Variants in LRCH2 observed in about 807,000 individuals in gnomAD.
The protein encoded by LRCH2 is leucine rich repeats and calponin homology domain containing 2.
Under a neutral mutation model 68.9 loss-of-function variants are expected in LRCH2, and 38 were observed. The observed-to-expected ratio is 0.55, with a 90% CI of 0.43 to 0.72. The LOEUF (loss-of-function observed/expected upper bound fraction) is 0.72, where lower values mean the gene tolerates loss of function less well. LRCH2 is among the 30% of genes least tolerant of loss of function. The pLI is 0.00. For synonymous variants in LRCH2, 191 were observed against 208.1 expected, an observed-to-expected ratio of 0.92 and a Z score of 0.71; for missense variants, 528 against 572.9, an observed-to-expected ratio of 0.92 and a Z score of 0.80.
Position 115,163,726 on chromosome X carries a change from A to T in LRCH2, c.1413T>A (p.Thr471=). 8.3e-7 allele frequency: 1 copy of T among 1,201,227 alleles called. No homozygotes were observed. The highest frequency in any genetic ancestry group is 3.0e-5 in the East Asian group (1 of 33,614). The change falls in exon 11 of 21, where the codon ACT becomes ACA. Residue 471 remains threonine (T), a synonymous_variant. Transcript: ENST00000317135. ...EEEDDDLKEV[T]DLRKIAAQLL... Reference sequence around the variant, plus strand: ...ACTGAGCAGCTATTTTCCTCAAATCAGTTACTTCCTTCAAATCATCATCCT... The same window carrying T: ...ACTGAGCAGCTATTTTCCTCAAATCTGTTACTTCCTTCAAATCATCATCCT...
intron 10 of LRCH2, 127 bp downstream of exon 10, chrX:115,165,278 T>G: frequency 2.2e-6 from 1 of 452,742 alleles, no homozygotes; most frequent in Non-Finnish European, 3.7e-6. Flanking sequence ...ATTTATAAAT[T>G]AACTATCTAA....
At chrX:115,138,120 C>A (rs920679713) in intron 14 of LRCH2, among the ~76,000 whole-genome samples, 2 of 106,148 alleles carry the variant, frequency 1.9e-5, no homozygotes, top group Non-Finnish European at 1.9e-5. Flanking sequence ...TCTTCGCCCC[C>A]CTTCCTCTCC....
chrX:115,205,055 C>T (rs1178435028), intron 1 of LRCH2, among the ~76,000 whole-genome samples: 2 of 111,306 alleles, frequency 1.8e-5, no homozygotes, highest in African/African-American at 6.5e-5. Flanking sequence ...GCTGGGGAGG[C>T]CTTAGGAAAC....
intron 12 of LRCH2, among the ~76,000 whole-genome samples, chrX:115,153,099 G>A (rs1043709308): frequency 4.9e-5 from 5 of 101,635 alleles, no homozygotes; most frequent in Admixed American, 1.1e-4. Context: ...CCTTGAGACC[G>A]AGAGTTCAAA....
At chrX:115,221,048 G>T (rs2147363057) in intron 1 of LRCH2, among the ~76,000 whole-genome samples, 1 of 105,764 alleles carries the variant, frequency 9.5e-6, no homozygotes, top group East Asian at 3.0e-4. Context: ...GTGGTGGCGG[G>T]CACCTGTAGT....
intron 1 of LRCH2, among the ~76,000 whole-genome samples, chrX:115,209,453 A>G (rs2072991567): frequency 8.9e-6 from 1 of 112,231 alleles, no homozygotes; most frequent in East Asian, 2.8e-4. Flanking sequence ...GTCTGCCACT[A>G]TGTGAGATGT....
At chrX:115,231,609 C>T (rs1269308721) in intron 1 of LRCH2, among the ~76,000 whole-genome samples, 2 of 111,993 alleles carry the variant, frequency 1.8e-5, no homozygotes, top group Non-Finnish European at 3.8e-5. Context: ...TAAAATGAAA[C>T]TTATGATGAA....
intron 5 of LRCH2, among the ~76,000 whole-genome samples, chrX:115,171,900 C>T (rs782541013): frequency 9.1e-6 from 1 of 109,600 alleles, no homozygotes; most frequent in Non-Finnish European, 1.9e-5. Context: ...AGGCTGTTCT[C>T]GAACTCCTGG....
chrX:115,174,599 C>CACA (rs782302855), intron 5 of LRCH2, among the ~76,000 whole-genome samples: 13 of 95,342 alleles, frequency 1.4e-4, no homozygotes, highest in African/African-American at 5.4e-4. Context: ...ACACCCCCCC[C>CACA]CCCACACACA....
chrX:115,222,209 C>T (rs890773556), intron 1 of LRCH2, among the ~76,000 whole-genome samples: 4 of 111,839 alleles, frequency 3.6e-5, no homozygotes, highest in African/African-American at 1.3e-4. Context: ...AACACCCTTT[C>T]ATGATAAAAA....
intron 15 of LRCH2, 122 bp from the exon 16 acceptor site, chrX:115,127,015 C>A (rs1190144049): frequency 2.5e-6 from 1 of 396,356 alleles, no homozygotes; most frequent in African/African-American, 2.7e-5. Flanking sequence ...TAAAGATATG[C>A]CATCCAGCAC....
intron 1 of LRCH2, among the ~76,000 whole-genome samples, chrX:115,209,389 C>A (rs947339283): frequency 1.8e-5 from 2 of 111,754 alleles, no homozygotes; most frequent in Non-Finnish European, 3.8e-5. Flanking sequence ...ATAAGTCTCA[C>A]AAGATCTGAT....
intron 1 of LRCH2, among the ~76,000 whole-genome samples, chrX:115,222,104 A>C (rs1446532085): frequency 1.8e-5 from 2 of 111,570 alleles, no homozygotes; most frequent in African/African-American, 6.5e-5. Flanking sequence ...TCTTATATTC[A>C]AAAACCAAAC....
rs991867897 is a variant in LRCH2, at chrX:115,203,607, C to T, written c.350-15237G>A. On this transcript the variant is annotated intron_variant, in intron 1 of 20. Coordinates refer to ENST00000317135, the MANE Select transcript of LRCH2 (RefSeq NM_020871.4). Reference sequence around the variant, plus strand: ...GGGAAATTGGCCAAAATCAAAGGGCCTCAGGCCCCATGCAAGTCCAAAATA... The same window carrying T: ...GGGAAATTGGCCAAAATCAAAGGGCTTCAGGCCCCATGCAAGTCCAAAATA... Among the ~76,000 whole-genome samples, 4 of 112,343 alleles carry T rather than the reference C, an allele frequency of 3.6e-5. No homozygotes were observed. The South Asian group carries it at 1.5e-3, about 41-fold the overall frequency.
intron 16 of LRCH2, among the ~76,000 whole-genome samples, chrX:115,125,606 C>CGT (rs1491444116): frequency 0.022 from 272 of 12,293 alleles, 64 homozygotes; most frequent in Middle Eastern, 0.14. Context: ...CATATATATA[C>CGT]GTATATATAT....
chrX:115,157,620 C>T (rs982953390), intron 11 of LRCH2, among the ~76,000 whole-genome samples: 2 of 106,581 alleles, frequency 1.9e-5, no homozygotes, highest in Admixed American at 1.0e-4. Context: ...TAGCTTTGGG[C>T]CAAACAATTT....
chrX:115,226,836 A>G (rs782096355), intron 1 of LRCH2, among the ~76,000 whole-genome samples: 1 of 111,346 alleles, frequency 9.0e-6, no homozygotes, highest in African/African-American at 3.3e-5. Context: ...CCATCTAAGA[A>G]TAACTATAAA....
At chrX:115,155,515 C>T (rs1307434453) in intron 12 of LRCH2, among the ~76,000 whole-genome samples, 2 of 111,036 alleles carry the variant, frequency 1.8e-5, no homozygotes, top group African/African-American at 6.6e-5. Context: ...ACCCACAAAG[C>T]TATTTCCCTT....
chrX:115,145,079 T>G (rs782424993), intron 14 of LRCH2, among the ~76,000 whole-genome samples: 1 of 111,686 alleles, frequency 9.0e-6, no homozygotes, highest in Non-Finnish European at 1.9e-5. Context: ...AACATCATGG[T>G]ACTTGCATAA....
Sources: allele counts gnomAD v4.1 joint callset (sites outside exome capture counted in the v4.1 genomes callset), GRCh38; gene constraint gnomAD v4.1.1; transcripts MANE v1.5; gene names NCBI Gene and HGNC (gene_info 2026-07-23, HGNC 2026-07-21).